Variants in QTMAN observed in about 807,000 individuals in gnomAD.
QTMAN encodes the protein queuosine-tRNA mannosyltransferase, also known as tRNA-queuosine alpha-mannosyltransferase.
chr2:144,169,898 A>C, the QTMAN span, among the ~76,000 whole-genome samples: 2 of 152,158 alleles, frequency 1.3e-5, no homozygotes. Context: ...GAAATACAGA[A>C]ATAGAAAAGA....
chr2:144,319,720 C>T, the QTMAN span: 3 of 152,138 alleles, frequency 2.0e-5, no homozygotes, highest in African/African-American at 7.2e-5. Context: ...GCGGCTCACC[C>T]AGACAATTTC....
chr2:144,148,377 A>G, the QTMAN span, among the ~76,000 whole-genome samples: 11 of 151,994 alleles, frequency 7.2e-5, no homozygotes, highest in South Asian at 2.1e-3. Flanking sequence ...GGTGTGTAGT[A>G]ATTCATAGCT....
chr2:144,309,540 G>A, the QTMAN span, among the ~76,000 whole-genome samples: 1 of 152,104 alleles, frequency 6.6e-6, no homozygotes, highest in Non-Finnish European at 1.5e-5. Context: ...TGAAACTCTG[G>A]AGCAGGCAAA....
At chr2:144,201,190 T>A in the QTMAN span, among the ~76,000 whole-genome samples, 1 of 152,144 alleles carries the variant, frequency 6.6e-6, no homozygotes, top group South Asian at 2.1e-4. Context: ...TCATTTTAGA[T>A]CGGGTGCTCA....
chr2:144,007,267 G>A, the QTMAN span: 4 of 1,613,010 alleles, frequency 2.5e-6, no homozygotes, highest in South Asian at 4.4e-5. Context: ...GTCAGATTTT[G>A]TTTATTTTCA....
chr2:144,161,820 G>A, the QTMAN span, among the ~76,000 whole-genome samples: 1 of 152,196 alleles, frequency 6.6e-6, no homozygotes, highest in Non-Finnish European at 1.5e-5. Context: ...TATTCAAGGA[G>A]TAAGTTATGA....
the QTMAN span, among the ~76,000 whole-genome samples, chr2:144,280,770 A>G: frequency 6.6e-6 from 1 of 152,184 alleles, no homozygotes; most frequent in South Asian, 2.1e-4. Flanking sequence ...GGTAAAAAAC[A>G]TGAACATGTA....
At chr2:144,288,014 C>G in the QTMAN span, among the ~76,000 whole-genome samples, 6 of 151,904 alleles carry the variant, frequency 3.9e-5, no homozygotes, top group African/African-American at 1.5e-4. Flanking sequence ...ACCACCACAC[C>G]CAGATAATTT....
the QTMAN span, among the ~76,000 whole-genome samples, chr2:143,971,364 T>C: frequency 1.9e-4 from 29 of 152,284 alleles, no homozygotes; most frequent in African/African-American, 6.5e-4. Context: ...TCTGGGTCTA[T>C]GTCCGCTGAG....
chr2:144,271,812 C>A, the QTMAN span, among the ~76,000 whole-genome samples: 2 of 152,080 alleles, frequency 1.3e-5, no homozygotes, highest in Non-Finnish European at 2.9e-5. Flanking sequence ...GAAAATGAAA[C>A]GAACTATTCC....
the QTMAN span, among the ~76,000 whole-genome samples, chr2:144,008,341 G>A: frequency 6.6e-6 from 1 of 151,820 alleles, no homozygotes; most frequent in Non-Finnish European, 1.5e-5. Context: ...TTTAATGGAG[G>A]GGAAGAGATT....
the QTMAN span, among the ~76,000 whole-genome samples, chr2:144,152,787 C>T: frequency 2.0e-5 from 3 of 152,094 alleles, no homozygotes; most frequent in Non-Finnish European, 4.4e-5. Context: ...GATATCACCC[C>T]GTTCTAAAAG....
At chr2:144,169,317 A>G in the QTMAN span, among the ~76,000 whole-genome samples, 5 of 152,186 alleles carry the variant, frequency 3.3e-5, no homozygotes, top group East Asian at 9.6e-4. Context: ...TCTACTATGG[A>G]AATTTTCAAG....
the QTMAN span, among the ~76,000 whole-genome samples, chr2:144,266,764 G>A: frequency 2.6e-5 from 4 of 152,048 alleles, no homozygotes; most frequent in African/African-American, 4.8e-5. Context: ...TACTACTTTC[G>A]GTACATATGT....
chr2:144,169,451 CA>C, the QTMAN span, among the ~76,000 whole-genome samples: 1 of 152,110 alleles, frequency 6.6e-6, no homozygotes, highest in Non-Finnish European at 1.5e-5. Flanking sequence ...TATTTTAAAG[CA>C]AATTCCAGAT....
chr2:144,221,765 A>G, the QTMAN span, among the ~76,000 whole-genome samples: 1 of 152,226 alleles, frequency 6.6e-6, no homozygotes, highest in African/African-American at 2.4e-5. Flanking sequence ...TACTATTGCT[A>G]TAAGGAAATT....
chr2:143,957,706 TCA>T, the QTMAN span, among the ~76,000 whole-genome samples: 1 of 152,112 alleles, frequency 6.6e-6, no homozygotes, highest in Non-Finnish European at 1.5e-5. Flanking sequence ...AACAAACACA[TCA>T]CACCAAAAAT....
chr2:144,131,627 T>C, the QTMAN span, among the ~76,000 whole-genome samples: 1 of 151,886 alleles, frequency 6.6e-6, no homozygotes. Context: ...TCAAAGATAA[T>C]TAATCTTCTC....
At chr2:144,133,617 A>G in the QTMAN span, among the ~76,000 whole-genome samples, 1 of 138,706 alleles carries the variant, frequency 7.2e-6, no homozygotes, top group African/African-American at 2.7e-5. Flanking sequence ...TGACAACCAA[A>G]CTCTCTTTTA....
Sources: allele counts gnomAD v4.1 joint callset (sites outside exome capture counted in the v4.1 genomes callset), GRCh38; gene constraint gnomAD v4.1.1; transcripts MANE v1.5; gene names NCBI Gene and HGNC (gene_info 2026-07-23, HGNC 2026-07-21).